The following EML5 variants were observed in gnomAD, a reference collection of about 807,000 sequenced individuals.
EML5 encodes EMAP like 5, also known as echinoderm microtubule-associated protein-like 5.
In EML5, 120 loss-of-function variants were observed where a neutral mutation model predicts 250.0. That is an observed-to-expected ratio of 0.48 (90% CI 0.41 to 0.56). EML5 has a LOEUF of 0.56. Ranked by LOEUF, EML5 falls within the 20% of genes least tolerant of loss-of-function variation. The probability of loss-of-function intolerance (pLI) is 0.00; values close to 1 mark genes in which losing one functional copy is unlikely to be tolerated. For synonymous variants in EML5, 771 were observed against 806.5 expected (o/e 0.96, Z 0.75); for missense variants, 2,006 against 2,437.6 (o/e 0.82, Z 3.73).
intron 7 of EML5, 68 bp downstream of exon 7, chr14:88,736,296 G>C: frequency 6.4e-7 from 1 of 1,556,974 alleles, no homozygotes; most frequent in Non-Finnish European, 8.8e-7. Context: ...ACAGTGCCTG[G>C]CCATGTTTTC....
intron 33 of EML5, among the ~76,000 whole-genome samples, chr14:88,630,489 T>C (rs770970198): frequency 6.6e-6 from 1 of 152,214 alleles, no homozygotes; most frequent in Non-Finnish European, 1.5e-5. Context: ...TTCAGGAATC[T>C]ACTCCTTCCT....
intron 7 of EML5, among the ~76,000 whole-genome samples, chr14:88,735,500 A>T (rs1386865196): frequency 6.6e-6 from 1 of 152,246 alleles, no homozygotes; most frequent in Non-Finnish European, 1.5e-5. Flanking sequence ...TTTCAAATAT[A>T]ACAAGGTATC....
intron 8 of EML5, 28 bp from the exon 9 acceptor site, chr14:88,715,223 A>G (rs1252870739): frequency 6.5e-6 from 10 of 1,546,494 alleles, no homozygotes; most frequent in Non-Finnish European, 8.7e-6. Flanking sequence ...ATGAGACTAC[A>G]TGAACAGAAG....
intron 21 of EML5, among the ~76,000 whole-genome samples, chr14:88,679,268 G>C (rs1011536132): frequency 2.0e-5 from 3 of 150,908 alleles, no homozygotes; most frequent in African/African-American, 7.3e-5. Flanking sequence ...TATCTTTTCA[G>C]GGGGACACAA....
chr14:88,659,858 T>TGAGCAGTTACTCAAGATCACCAG (rs2092016019), intron 25 of EML5, among the ~76,000 whole-genome samples: 1 of 152,204 alleles, frequency 6.6e-6, no homozygotes. Context: ...AATATTAATA[T>TGAGCAGTTACTCAAGATCACCAG]GAGCAGTTAC....
chr14:88,639,224 G>T (rs1391676734), intron 31 of EML5, among the ~76,000 whole-genome samples: 1 of 152,212 alleles, frequency 6.6e-6, no homozygotes, highest in Non-Finnish European at 1.5e-5. Flanking sequence ...CTCCTGGACT[G>T]ACCCAGATAG....
intron 7 of EML5, among the ~76,000 whole-genome samples, chr14:88,734,331 G>A (rs561769262): frequency 1.3e-5 from 2 of 152,272 alleles, no homozygotes; most frequent in African/African-American, 4.8e-5. Flanking sequence ...AGTGGTAAAT[G>A]TAAGTATTAG....
In EML5 at chr14:88,704,919, A is replaced by G. The variant is rs766313180; in HGVS notation, c.1992T>C (p.Ala664=). ...GAGCCCGCTCTCTTCTTTTAGAAGT[A>G]GCACTTTTTTGTTTCTCTTTGCACT... is the stretch of plus-strand genomic sequence containing the variant. ...KEQCKEKQKS[A]TSKRRERAPG... is the part of the protein sequence containing the mutation. Residue 664 remains alanine, a synonymous_variant, in exon 13 of 44, where the codon GCT becomes GCC. Coordinates refer to ENST00000554922, the MANE Select transcript of EML5 (RefSeq NM_183387.3). The G allele has an allele frequency of 6.2e-7, 1 of 1,613,284 alleles. No individual in the cohort carries two copies. The highest frequency in any genetic ancestry group is 8.5e-7 in the Non-Finnish European group (1 of 1,179,540).
At position 88,755,873 on chromosome 14, in the gene EML5, C is replaced by G. The variant is rs572291437; in HGVS notation, c.198-1202G>C. Among the ~76,000 whole-genome samples the G allele has an allele frequency of 2.6e-5, 4 of 152,148 alleles. No individual in the cohort carries two copies. In the South Asian group the frequency reaches 8.3e-4, roughly 32 times the overall value. On this transcript the variant is annotated intron_variant, in intron 1 of 43. Coordinates refer to ENST00000554922, the MANE Select transcript of EML5 (RefSeq NM_183387.3). ...AATGAGCCAGACATAGCAGCATACA[C>G]CTCTATTCCCAGCTACTTGAGGGGC...
chr14:88,707,707 G>T (rs189319573), intron 10 of EML5, among the ~76,000 whole-genome samples: 1 of 152,178 alleles, frequency 6.6e-6, no homozygotes, highest in East Asian at 1.9e-4. Flanking sequence ...ATAATTTACT[G>T]CTGCTTAATA....
rs746247376 is a variant in EML5, at chr14:88,706,416, A to C, written c.1668T>G (p.Phe556Leu). ...RYPCLRKGAK[F>L]RKYIGHSAHV... is the part of the protein sequence containing the mutation. ...GAGCTGAATGGCCAATATATTTTCT[A>C]AACTTGGCCCCTATAATAAAAATAT... The change falls in exon 11 of 44, where the codon TTT (phenylalanine) becomes TTG (leucine). Residue 556 changes from phenylalanine to leucine, a missense_variant. Phe to Leu is a conservative substitution (Grantham distance 22, BLOSUM62 0). Transcript: ENST00000554922. The C allele has an allele frequency of 6.5e-7, 1 of 1,542,628 alleles. No homozygotes were observed. The highest frequency in any genetic ancestry group is 2.1e-5 in the Admixed American group (1 of 48,634).
At chr14:88,759,145 A>T (rs1219802059) in intron 1 of EML5, among the ~76,000 whole-genome samples, 1 of 151,414 alleles carries the variant, frequency 6.6e-6, no homozygotes, top group Non-Finnish European at 1.5e-5. Flanking sequence ...ATTTTATGTT[A>T]TGTGAATCAT....
chr14:88,785,620 AT>A (rs1820831470), intron 1 of EML5, among the ~76,000 whole-genome samples: 1 of 152,204 alleles, frequency 6.6e-6, no homozygotes, highest in Admixed American at 6.5e-5. Flanking sequence ...AAATTCTGTG[AT>A]CATCACTGAC....
chr14:88,776,381 G>C (rs556952672), intron 1 of EML5, among the ~76,000 whole-genome samples: 8 of 152,028 alleles, frequency 5.3e-5, no homozygotes, highest in Non-Finnish European at 1.0e-4. Context: ...CACAGAGAAG[G>C]AAATCACAAT....
intron 6 of EML5, 104 bp downstream of exon 6, chr14:88,738,775 T>G: frequency 1.5e-6 from 2 of 1,307,532 alleles, no homozygotes; most frequent in Non-Finnish European, 2.1e-6. Context: ...AATATAAGTC[T>G]TATTTATATT....
At chr14:88,753,189 G>C (rs1195820573) in intron 2 of EML5, among the ~76,000 whole-genome samples, 1 of 152,106 alleles carries the variant, frequency 6.6e-6, no homozygotes. Context: ...AGCACCCAAA[G>C]GCACTCACCC....
chr14:88,759,238 A>G (rs1328624935), intron 1 of EML5, among the ~76,000 whole-genome samples: 1 of 152,198 alleles, frequency 6.6e-6, no homozygotes, highest in Non-Finnish European at 1.5e-5. Flanking sequence ...ATGCAAAGAA[A>G]ACCTTTGAAG....
rs376221071 is a variant in EML5, at chr14:88,616,362, G to A, written c.5797-120C>T. 7.3e-6 allele frequency: 7 copies of A among 956,364 alleles called. 1 individual carries two copies. The highest frequency in any genetic ancestry group is 2.2e-4 in the Middle Eastern group (1 of 4,574). The allele number at this position is 956,364 out of a possible 1,614,324, so 59.2% of individuals were successfully genotyped here. On this transcript the variant is annotated intron_variant, in intron 42 of 43. Transcript: ENST00000554922. ...GAGAGAGTAGGGAGTTAGCACCGCA[G>A]CCAGTGATTAGAATGCTTTTCAGCA...
At chr14:88,664,449 T>G (rs2092245885) in intron 23 of EML5, 44 bp downstream of exon 23, 1 of 1,532,900 alleles carries the variant, frequency 6.5e-7, no homozygotes, top group South Asian at 1.3e-5. Flanking sequence ...CTATACTAAA[T>G]CAAATGAAAC....
Sources: allele counts gnomAD v4.1 joint callset (sites outside exome capture counted in the v4.1 genomes callset), GRCh38; gene constraint gnomAD v4.1.1; transcripts MANE v1.5; gene names NCBI Gene and HGNC (gene_info 2026-07-23, HGNC 2026-07-21).